TAF1: variants seen among roughly 807,000 people sequenced by gnomAD.
TAF1 encodes the protein transcription initiation factor TFIID subunit 1.
A neutral mutation model predicts 138.5 loss-of-function variants in TAF1; 2 were observed. The ratio of observed to expected loss-of-function variants is 0.01; its 90% CI spans 0.01 to 0.05. The LOEUF (loss-of-function observed/expected upper bound fraction) is 0.05. Among genes scored for constraint, TAF1 ranks in the 10% least tolerant of loss-of-function variants. TAF1 has a pLI of 1.00. For synonymous variants in TAF1, 437 were observed against 503.2 expected (o/e 0.87, Z 1.76); for missense variants, 709 against 1,478.0 (o/e 0.48, Z 8.53).
intron 32 of TAF1, among the ~76,000 whole-genome samples, chrX:71,426,966 C>A (rs972777809): frequency 7.2e-5 from 8 of 111,861 alleles, no homozygotes; most frequent in Admixed American, 6.7e-4. Flanking sequence ...CTGAGGTTCT[C>A]AATTAAGAAT....
intron 8 of TAF1, 73 bp from the exon 9 acceptor site, chrX:71,381,670 C>T: frequency 9.0e-7 from 1 of 1,115,571 alleles, no homozygotes; most frequent in Admixed American, 2.4e-5. Context: ...CTCTTTTTAT[C>T]TTTGCCAGAA....
At chrX:71,526,106 T>C (rs1180385128) in intron 13 of TAF1, among the ~76,000 whole-genome samples, 3 of 111,683 alleles carry the variant, frequency 2.7e-5, no homozygotes, top group African/African-American at 9.7e-5. Context: ...TAAAGAAAAA[T>C]ATAAATCCAT....
At chrX:71,409,026 AAAAG>A (rs1324099564) in intron 28 of TAF1, among the ~76,000 whole-genome samples, 29 of 110,415 alleles carry the variant, frequency 2.6e-4, no homozygotes, top group East Asian at 1.7e-3. Context: ...AAAAAAAAAA[AAAAG>A]AGAGAGAGAC....
chrX:71,377,312 C>A, intron 5 of TAF1, 121 bp downstream of exon 5: 1 of 1,039,159 alleles, frequency 9.6e-7, no homozygotes, highest in Non-Finnish European at 1.3e-6. Context: ...TTATTGGCTA[C>A]ATAAGAGCTC....
intron 13 of TAF1, among the ~76,000 whole-genome samples, chrX:71,513,168 T>C (rs2039763755): frequency 8.9e-6 from 1 of 111,809 alleles, no homozygotes; most frequent in Non-Finnish European, 1.9e-5. Flanking sequence ...GGGAGAGTTT[T>C]GTAATTTTTT....
chrX:71,460,856 G>T, intron 37 of TAF1, 53 bp downstream of exon 37: 1 of 1,158,224 alleles, frequency 8.6e-7, no homozygotes, highest in Non-Finnish European at 1.2e-6. Flanking sequence ...CAGCTATGAT[G>T]TTGAGGGGCC....
chrX:71,434,860 T>TC (rs2037062076), intron 32 of TAF1, among the ~76,000 whole-genome samples: 1 of 112,811 alleles, frequency 8.9e-6, no homozygotes, highest in African/African-American at 3.2e-5. Flanking sequence ...GTCATACAGA[T>TC]AAGTCCCTTC....
chrX:71,422,105 A>G (rs767743023), intron 29 of TAF1, among the ~76,000 whole-genome samples: 2 of 112,248 alleles, frequency 1.8e-5, no homozygotes, highest in South Asian at 7.4e-4. Flanking sequence ...CGCAAAAGTC[A>G]CTAATCAGTA....
chrX:71,488,393 G>A (rs757824250), intron 13 of TAF1, among the ~76,000 whole-genome samples: 8 of 108,143 alleles, frequency 7.4e-5, no homozygotes, highest in South Asian at 4.1e-4. Context: ...ACAGTTGTGC[G>A]CCACCACACC....
intron 13 of TAF1, among the ~76,000 whole-genome samples, chrX:71,500,537 C>T (rs1430566268): frequency 4.1e-5 from 4 of 97,207 alleles, no homozygotes; most frequent in African/African-American, 1.5e-4. Flanking sequence ...ACCCCCACCC[C>T]GCCCCCACCC....
At chrX:71,526,225 T>C (rs1310721420) in intron 13 of TAF1, among the ~76,000 whole-genome samples, 1 of 111,837 alleles carries the variant, frequency 8.9e-6, no homozygotes, top group Non-Finnish European at 1.9e-5. Context: ...CAAAAACCAA[T>C]TGTACAATCA....
chrX:71,489,049 A>G (rs1012933818), intron 13 of TAF1, among the ~76,000 whole-genome samples: 5 of 106,984 alleles, frequency 4.7e-5, no homozygotes, highest in Non-Finnish European at 9.7e-5. Context: ...CCTGAGCAAC[A>G]GAGCAAGACT....
At chrX:71,397,178 T>G (rs2034903919) in intron 22 of TAF1, 75 bp from the exon 23 acceptor site, 2 of 1,059,659 alleles carry the variant, frequency 1.9e-6, no homozygotes, top group African/African-American at 3.7e-5. Context: ...CTTTGATAGC[T>G]CCACTCAATC....
chrX:71,407,208 C>T (rs1386886580), intron 26 of TAF1, among the ~76,000 whole-genome samples: 2 of 100,168 alleles, frequency 2.0e-5, no homozygotes, highest in African/African-American at 3.8e-5. Flanking sequence ...CCACCGTGCT[C>T]GGCAGATTTT....
chrX:71,381,838 A>G lies in TAF1; in HGVS notation c.1456A>G (p.Ile486Val), dbSNP rs1415920319. Reference sequence around the variant, plus strand: ...ATATGGACGCTGGGAGGACAATATCATTTGGGATGCTCAGGCCATGCCCCG... The same window carrying G: ...ATATGGACGCTGGGAGGACAATATCGTTTGGGATGCTCAGGCCATGCCCCG... ...LVYGRWEDNI[I>V]WDAQAMPRLL... is the part of the protein sequence containing the mutation. Residue 486 changes from isoleucine to valine, a missense_variant, in exon 9 of 38, where the codon ATT (isoleucine) becomes GTT (valine). Physicochemically the swap from Ile to Val is conservative, Grantham distance 29 (BLOSUM62 3). This residue lies in a region of TAF1 where 201 missense variants were observed against 421.3 expected (regional missense o/e 0.48). Coordinates refer to ENST00000423759, the MANE Select transcript of TAF1 (RefSeq NM_004606.5). 1 of 1,198,184 alleles carries G rather than the reference A, an allele frequency of 8.3e-7. No homozygotes were observed. The highest frequency in any genetic ancestry group is 1.1e-6 in the Non-Finnish European group (1 of 888,285).
intron 13 of TAF1, among the ~76,000 whole-genome samples, chrX:71,504,820 A>G (rs116685700): frequency 3.7e-3 from 399 of 106,816 alleles, no homozygotes; most frequent in African/African-American, 0.013. Flanking sequence ...ATAAAAATGA[A>G]GGTGGGCAAA....
intron 13 of TAF1, among the ~76,000 whole-genome samples, chrX:71,488,683 C>T (rs1207778962): frequency 9.0e-6 from 1 of 111,652 alleles, no homozygotes; most frequent in Non-Finnish European, 1.9e-5. Flanking sequence ...TTCTTCTTAG[C>T]TCAGAGAGAC....
chrX:71,419,275 A>AG (rs901801235), intron 28 of TAF1, among the ~76,000 whole-genome samples: 1 of 110,709 alleles, frequency 9.0e-6, no homozygotes, highest in African/African-American at 3.3e-5. Context: ...TTAAAAAAAA[A>AG]TTCCCACCCC....
intron 13 of TAF1, among the ~76,000 whole-genome samples, chrX:71,512,110 C>T (rs2039741855): frequency 9.1e-6 from 1 of 109,573 alleles, no homozygotes; most frequent in Non-Finnish European, 1.9e-5. Flanking sequence ...GTCAGGAGAT[C>T]GAGACCATCC....
Sources: gnomAD v4.1 joint callset for allele counts (sites outside exome capture counted in the v4.1 genomes callset) on GRCh38, gnomAD v4.1.1 for gene constraint, gnomAD v4.1.1 regional missense constraint, MANE v1.5 for transcripts, NCBI Gene and HGNC (gene_info 2026-07-23, HGNC 2026-07-21) for gene names.